Variants in UBN1 observed in about 807,000 individuals in gnomAD.
UBN1 encodes the protein ubinuclein 1, also known as ubinuclein-1.
Under a neutral mutation model 108.5 loss-of-function variants are expected in UBN1, and 17 were observed. The ratio of observed to expected loss-of-function variants is 0.16; its 90% CI spans 0.11 to 0.24. UBN1 has a LOEUF of 0.24. Ranked by LOEUF, UBN1 falls within the 10% of genes least tolerant of loss-of-function variation. UBN1 has a pLI of 1.00. For missense variants in UBN1, 1,595 were observed against 1,394.4 expected, an observed-to-expected ratio of 1.14 and a Z score of -2.29; for synonymous variants, 726 against 564.2, an observed-to-expected ratio of 1.29 and a Z score of -4.07.
chr16:4,872,862 C>T (rs1404124638), intron 12 of UBN1, 22 bp from the exon 13 acceptor site: 3 of 1,613,982 alleles, frequency 1.9e-6, no homozygotes, highest in African/African-American at 2.7e-5. Context: ...TGTACAGATG[C>T]CTGGTGTTCT....
At chr16:4,860,041 C>T (rs779797477) in intron 6 of UBN1, 73 bp downstream of exon 6, 163 of 1,582,392 alleles carry the variant, frequency 1.0e-4, no homozygotes, top group Middle Eastern at 3.7e-4. Context: ...GCTGACTCAC[C>T]TCCTCCCCAC....
intron 7 of UBN1, among the ~76,000 whole-genome samples, chr16:4,861,589 T>G (rs2142177332): frequency 6.6e-6 from 1 of 152,368 alleles, no homozygotes; most frequent in Middle Eastern, 3.4e-3. Context: ...ATTACAGGAA[T>G]GCCTCAAATG....
intron 7 of UBN1, among the ~76,000 whole-genome samples, chr16:4,864,217 G>A (rs552261668): frequency 6.6e-6 from 1 of 151,812 alleles, no homozygotes; most frequent in East Asian, 1.9e-4. Context: ...CTCCCGAGTA[G>A]CTGGGATTAC....
chr16:4,859,990 G>C (rs1481699485), intron 6 of UBN1, 22 bp downstream of exon 6: 1 of 1,613,594 alleles, frequency 6.2e-7, no homozygotes, highest in Non-Finnish European at 8.5e-7. Flanking sequence ...CAGCTTCTTT[G>C]CTAGGATAAA....
chr16:4,859,794 C>T (rs2086976041), intron 5 of UBN1, 71 bp from the exon 6 acceptor site: 2 of 1,599,880 alleles, frequency 1.3e-6, no homozygotes, highest in Admixed American at 1.7e-5. Context: ...CGGAGCAAGG[C>T]CAGTGCCGTG....
Position 4,874,333 on chromosome 16 carries a change from C to A in UBN1, c.1923C>A (p.Leu641=), listed in dbSNP as rs143954303. The A allele has an allele frequency of 1.2e-6, 2 of 1,614,064 alleles. No individual in the cohort carries two copies. Among genetic ancestry groups the A allele is most frequent in the South Asian group, 2.2e-5 (2 of 91,088 alleles). Residue 641 remains leucine (L), a synonymous_variant, in exon 15 of 18, where the codon CTC becomes CTA. Coordinates refer to ENST00000262376, the MANE Select transcript of UBN1 (RefSeq NM_001079514.3). ...GTATTGGGGCCTCGAGCAGGGAGCTCCCATCCCAGGCATCGGGCGGCCTTG... is the reference window on the plus strand; with the variant it reads ...GTATTGGGGCCTCGAGCAGGGAGCTACCATCCCAGGCATCGGGCGGCCTTG... ...GLSIGASSRE[L]PSQASGGLAN... is the part of the protein sequence containing the mutation.
chr16:4,868,604 T>G (rs776760373), intron 7 of UBN1, among the ~76,000 whole-genome samples: 9 of 152,166 alleles, frequency 5.9e-5, no homozygotes, highest in East Asian at 1.9e-4. Flanking sequence ...CTGTGACTGT[T>G]TTAAGTCCCA....
chr16:4,849,551 C>T (rs2086434105), intron 1 of UBN1, among the ~76,000 whole-genome samples: 1 of 151,948 alleles, frequency 6.6e-6, no homozygotes, highest in African/African-American at 2.4e-5. Context: ...AGTATTTTCT[C>T]AGTAACACCA....
chr16:4,868,572 G>A (rs1026077014), intron 7 of UBN1, among the ~76,000 whole-genome samples: 10 of 152,196 alleles, frequency 6.6e-5, no homozygotes, highest in Non-Finnish European at 1.3e-4. Flanking sequence ...CATTGTGATG[G>A]CTTTGACTCT....
Position 4,859,083 on chromosome 16 carries a change from C to T in UBN1, c.491C>T (p.Ser164Leu), listed in dbSNP as rs764537280. The change falls in exon 5 of 18, where the codon TCG (serine) becomes TTG (leucine). Residue 164 changes from serine (S) to leucine (L), a missense_variant. Transcript: ENST00000262376. ...AAGTATGGAGGATTTTACATTAACT[C>T]GGGAACCCTGCAGTTTAGACAAGCA... ...TTKYGGFYIN[S>L]GTLQFRQASE... The T allele has an allele frequency of 3.1e-6, 5 of 1,613,980 alleles. No individual in the cohort carries two copies. Among genetic ancestry groups the T allele is most frequent in the Admixed American group, 1.7e-5 (1 of 59,994 alleles).
chr16:4,853,198 G>A, intron 2 of UBN1, 32 bp downstream of exon 2: 2 of 1,610,710 alleles, frequency 1.2e-6, no homozygotes, highest in Non-Finnish European at 1.7e-6. Context: ...GGCGCTGCAG[G>A]TTTAACGCAC....
chr16:4,865,464 T>A (rs1266931771), intron 7 of UBN1, among the ~76,000 whole-genome samples: 1 of 152,104 alleles, frequency 6.6e-6, no homozygotes, highest in East Asian at 1.9e-4. Context: ...GAGGATCACC[T>A]GAGCCCAGGA....
chr16:4,857,666 C>A (rs778477091), intron 2 of UBN1, among the ~76,000 whole-genome samples: 1 of 152,138 alleles, frequency 6.6e-6, no homozygotes, highest in Non-Finnish European at 1.5e-5. Context: ...TTAAGAGTTA[C>A]AAAGGAAGTC....
chr16:4,868,048 A>G (rs540768352), intron 7 of UBN1, among the ~76,000 whole-genome samples: 1 of 152,268 alleles, frequency 6.6e-6, no homozygotes, highest in South Asian at 2.1e-4. Context: ...AGAGACTGTG[A>G]TTTGAATGGC....
At chr16:4,878,208 G>C (rs1268290743) in intron 17 of UBN1, among the ~76,000 whole-genome samples, 2 of 152,160 alleles carry the variant, frequency 1.3e-5, no homozygotes, top group African/African-American at 4.8e-5. Flanking sequence ...CCGAGTCTGC[G>C]ATTCTTGGGT....
chr16:4,849,026 G>C (rs2086375439), intron 1 of UBN1, among the ~76,000 whole-genome samples: 1 of 152,190 alleles, frequency 6.6e-6, no homozygotes, highest in Admixed American at 6.5e-5. Context: ...GCTTAACCCG[G>C]GAAGCGGAGG....
In UBN1 at chr16:4,874,744, G is replaced by C; in HGVS notation, c.2334G>C (p.Gln778His). ...PLNKGLPEVH[Q>H]SKAKHHSLPR... Reference sequence around the variant, plus strand: ...ATAAGGGCCTGCCAGAAGTACATCAGTCCAAAGCTAAGCACCACAGCTTGC... The same window carrying C: ...ATAAGGGCCTGCCAGAAGTACATCACTCCAAAGCTAAGCACCACAGCTTGC... The change falls in exon 15 of 18, where the codon CAG becomes CAC. Residue 778 changes from glutamine (Q) to histidine (H), a missense_variant. Coordinates refer to ENST00000262376, the MANE Select transcript of UBN1 (RefSeq NM_001079514.3). 6.2e-7 allele frequency: 1 copy of C among 1,614,044 alleles called. No individual in the cohort carries two copies. The highest frequency in any genetic ancestry group is 2.2e-5 in the East Asian group (1 of 44,874).
chr16:4,847,481 G>C lies in UBN1; in HGVS notation c.-769G>C, dbSNP rs2086249211. ...CGCGCGCCGGAGCGCAGAGACTCCCGGCTCCTTCCCCCTCCCTTCGGCTCG... is the reference window on the plus strand; with the variant it reads ...CGCGCGCCGGAGCGCAGAGACTCCCCGCTCCTTCCCCCTCCCTTCGGCTCG... On this transcript the variant is annotated 5_prime_UTR_variant, in exon 1 of 18. Transcript: ENST00000262376. 3 of 609,400 alleles carry C rather than the reference G, an allele frequency of 4.9e-6. No homozygotes were observed. In the South Asian group the frequency reaches 6.5e-5, roughly 13 times the overall value. The allele number at this position is 609,400 out of a possible 1,614,324, so 37.7% of individuals were successfully genotyped here. A position where few individuals can be genotyped will look rare whatever the true frequency, so the allele number is the denominator to read the frequency against.
Position 4,871,059 on chromosome 16 carries a change from C to T in UBN1, c.1559+87C>T. ...CCCTATTGCTGACAAAGGTTAGGCT[C>T]ATTTACTTTCATCAGGGCTGCTGAA... On this transcript the variant is annotated intron_variant, in intron 11 of 17. Coordinates refer to ENST00000262376, the MANE Select transcript of UBN1 (RefSeq NM_001079514.3). 8.1e-6 allele frequency: 13 copies of T among 1,601,694 alleles called. No homozygotes were observed. In the South Asian group the frequency reaches 1.5e-4, roughly 18 times the overall value.
Sources: gnomAD v4.1 joint callset for allele counts (sites outside exome capture counted in the v4.1 genomes callset) on GRCh38, gnomAD v4.1.1 for gene constraint, MANE v1.5 for transcripts, NCBI Gene and HGNC (gene_info 2026-07-23, HGNC 2026-07-21) for gene names.